Variants in GLTP observed in about 807,000 individuals in gnomAD.
GLTP encodes glycolipid transfer protein.
Under a neutral mutation model 24.0 loss-of-function variants are expected in GLTP, and 22 were observed. That is an observed-to-expected ratio of 0.92 (90% confidence interval 0.65 to 1.31). GLTP has a LOEUF of 1.31. GLTP is among the 50% of genes most tolerant of loss of function. The pLI, the probability that GLTP is intolerant of heterozygous loss-of-function variation, is 0.00. For missense variants in GLTP, 224 were observed against 276.6 expected, an observed-to-expected ratio of 0.81 and a Z score of 1.35; for synonymous variants, 92 against 115.9, an observed-to-expected ratio of 0.79 and a Z score of 1.33.
intron 1 of GLTP, among the ~76,000 whole-genome samples, chr12:109,870,131 C>T (rs1157037898): frequency 6.6e-6 from 1 of 151,994 alleles, no homozygotes; most frequent in Non-Finnish European, 1.5e-5. Context: ...TAAATAAAGG[C>T]CTAAGCACAG....
At chr12:109,867,180 A>C (rs1486556671) in intron 1 of GLTP, among the ~76,000 whole-genome samples, 1 of 151,096 alleles carries the variant, frequency 6.6e-6, no homozygotes, top group Non-Finnish European at 1.5e-5. Flanking sequence ...ACAGAGTCTC[A>C]CTCTATAGCC....
intron 1 of GLTP, among the ~76,000 whole-genome samples, chr12:109,867,242 G>A (rs937421517): frequency 1.3e-5 from 2 of 151,710 alleles, no homozygotes; most frequent in South Asian, 2.1e-4. Context: ...TCCGCCTCCC[G>A]AGCTTAAGCA....
intron 1 of GLTP, among the ~76,000 whole-genome samples, chr12:109,877,342 T>C (rs1438791426): frequency 1.3e-5 from 2 of 152,222 alleles, no homozygotes; most frequent in African/African-American, 2.4e-5. Flanking sequence ...TTATATATCA[T>C]TTGTATTTGC....
chr12:109,876,358 T>A lies in GLTP; in HGVS notation c.103+3914A>T, dbSNP rs186523929. On this transcript the variant is annotated intron_variant, in intron 1 of 4. Transcript: ENST00000318348. ...ATCCCCATCTCTACAAAAACAAAAATTTAAAAATTAGCTAAGCATGGTGGC... is the reference window on the plus strand; with the variant it reads ...ATCCCCATCTCTACAAAAACAAAAAATTAAAAATTAGCTAAGCATGGTGGC... 3.3e-5 allele frequency among the ~76,000 whole-genome samples: 5 copies of A among 151,968 alleles called. No homozygotes were observed. In the East Asian group the frequency reaches 9.7e-4, roughly 29 times the overall value.
At position 109,855,677 on chromosome 12, in the gene GLTP, T is replaced by C. The variant is rs1892786631; in HGVS notation, c.389A>G (p.Lys130Arg). Reference protein sequence around the residue: ...HPNLIRVNATKAYEMALKKYH... With the variant: ...HPNLIRVNATRAYEMALKKYH... ...CTTCTTGAGGGCCATCTCGTAGGCC[T>C]TGGTGGCGTTGACACGGATGAGGTT... The change falls in exon 4 of 5, where the codon AAG (lysine) becomes AGG (arginine). Residue 130 changes from lysine (K) to arginine (R), a missense_variant. Transcript: ENST00000318348. The surrounding 1 kb of genome is among the most constrained non-coding windows in gnomAD (Gnocchi z 4.1). The C allele has an allele frequency of 1.2e-6, 2 of 1,606,868 alleles. No individual in the cohort carries two copies. The highest frequency in any genetic ancestry group is 4.5e-5 in the East Asian group (2 of 44,372).
At chr12:109,861,679 C>T (rs1040979831) in intron 1 of GLTP, among the ~76,000 whole-genome samples, 3 of 152,078 alleles carry the variant, frequency 2.0e-5, no homozygotes, top group Non-Finnish European at 4.4e-5. Flanking sequence ...ACCTGGGAGG[C>T]AGAGGTTGCA....
At chr12:109,871,081 C>CTTTTT (rs965998479) in intron 1 of GLTP, among the ~76,000 whole-genome samples, 121 of 114,390 alleles carry the variant, frequency 1.1e-3, no homozygotes, top group African/African-American at 1.8e-3. Context: ...CATTTCCATT[C>CTTTTT]TTTTTTTTTT....
intron 1 of GLTP, among the ~76,000 whole-genome samples, chr12:109,861,901 C>T (rs189853990): frequency 6.6e-6 from 1 of 152,312 alleles, no homozygotes; most frequent in Non-Finnish European, 1.5e-5. Context: ...CCACAGGATT[C>T]CCCAGAACCT....
At chr12:109,858,158 G>A (rs186414227) in intron 2 of GLTP, 13 of 457,482 alleles carry the variant, frequency 2.8e-5, no homozygotes, top group Non-Finnish European at 5.3e-5. Flanking sequence ...GACCTTAAGC[G>A]AGTCCTTCAA....
At chr12:109,872,968 T>C (rs1355205562) in intron 1 of GLTP, among the ~76,000 whole-genome samples, 1 of 152,224 alleles carries the variant, frequency 6.6e-6, no homozygotes, top group Non-Finnish European at 1.5e-5. Flanking sequence ...GCTTTGAATG[T>C]GGCCCAATAC....
chr12:109,852,039 G>A lies in GLTP; in HGVS notation c.*516C>T, dbSNP rs1239980188. The stretch of plus-strand genomic sequence containing the variant: ...ATTTTTTATATTTTTAGTAGCGATG[G>A]GGTTTCACCATGTTGGCCAGGCTGG... On this transcript the variant is annotated 3_prime_UTR_variant, in exon 5 of 5. Transcript: ENST00000318348. 2 of 152,170 alleles carry A rather than the reference G, an allele frequency of 1.3e-5. No individual in the cohort carries two copies. Among genetic ancestry groups the A allele is most frequent in the Non-Finnish European group, 2.9e-5 (2 of 68,142 alleles). The allele number at this position is 152,170 out of a possible 1,614,324, so 9.4% of individuals were successfully genotyped here.
rs370215586 is a variant in GLTP, at chr12:109,880,015, T to C, written c.103+257A>G. Among the ~76,000 whole-genome samples, 1 of 151,662 alleles carries C rather than the reference T, an allele frequency of 6.6e-6. No individual in the cohort carries two copies. The highest frequency in any genetic ancestry group is 6.6e-5 in the Admixed American group (1 of 15,248). ...GATCAGGGGGCATTTGGGGGATATG[T>C]AGGACTGTGAGGTGTCTAGGGAGAG... On this transcript the variant is annotated intron_variant, in intron 1 of 4. Coordinates refer to ENST00000318348, the MANE Select transcript of GLTP (RefSeq NM_016433.4). This position sits in a 1 kb window ranked among gnomAD's most constrained non-coding sequence, Gnocchi z 5.1.
At chr12:109,865,060 C>T (rs1868482792) in intron 1 of GLTP, among the ~76,000 whole-genome samples, 1 of 152,182 alleles carries the variant, frequency 6.6e-6, no homozygotes, top group Non-Finnish European at 1.5e-5. Flanking sequence ...TACAGCATGA[C>T]ATGTTTCTAC....
intron 1 of GLTP, among the ~76,000 whole-genome samples, chr12:109,872,798 T>G (rs573588990): frequency 6.6e-6 from 1 of 152,310 alleles, no homozygotes; most frequent in South Asian, 2.1e-4. Flanking sequence ...AGGCACACAA[T>G]CTAAATCACA....
chr12:109,863,215 C>T (rs1020635506), intron 1 of GLTP, among the ~76,000 whole-genome samples: 17 of 117,520 alleles, frequency 1.4e-4, no homozygotes, highest in Non-Finnish European at 2.6e-4. Flanking sequence ...CTTTCAGCTT[C>T]GCCACATGTT....
chr12:109,879,663 C>T (rs141407678), intron 1 of GLTP, among the ~76,000 whole-genome samples: 91 of 152,282 alleles, frequency 6.0e-4, no homozygotes, highest in African/African-American at 1.8e-3. Flanking sequence ...TGGAATTTTG[C>T]AACTCCATCT....
At chr12:109,867,156 C>CT (rs910871072) in intron 1 of GLTP, among the ~76,000 whole-genome samples, 82 of 148,264 alleles carry the variant, frequency 5.5e-4, no homozygotes, top group Middle Eastern at 6.9e-3. Flanking sequence ...ATTTATTATT[C>CT]TTTTTTTTTT....
chr12:109,867,358 A>G (rs191684488), intron 1 of GLTP, among the ~76,000 whole-genome samples: 4 of 152,210 alleles, frequency 2.6e-5, no homozygotes, highest in Admixed American at 1.3e-4. Context: ...CATGTTGCCC[A>G]GGGTGGTCTC....
At position 109,855,577 on chromosome 12, in the gene GLTP, C is replaced by T; in HGVS notation, c.447+42G>A. ...GCAGGGGCAGAGTGGGGAGCAGAAT[C>T]TGCAAGCTGGTGGTCCTTTGGGGCT... On this transcript the variant is annotated intron_variant, in intron 4 of 4. Coordinates refer to ENST00000318348, the MANE Select transcript of GLTP (RefSeq NM_016433.4). The surrounding 1 kb of genome is among the most constrained non-coding windows in gnomAD (Gnocchi z 4.1). The T allele has an allele frequency of 6.6e-7, 1 of 1,507,678 alleles. No homozygotes were observed. The highest frequency in any genetic ancestry group is 1.8e-4 in the Middle Eastern group (1 of 5,560). The allele number at this position is 1,507,678 out of a possible 1,614,324, so 93.4% of individuals were successfully genotyped here.
Sources: allele counts gnomAD v4.1 joint callset (sites outside exome capture counted in the v4.1 genomes callset), GRCh38; gene constraint gnomAD v4.1.1; non-coding constraint Gnocchi (gnomAD v3.1); transcripts MANE v1.5; gene names NCBI Gene and HGNC (gene_info 2026-07-23, HGNC 2026-07-21).